The following COX7B2 variants were observed in gnomAD, a reference collection of about 807,000 sequenced individuals.
The protein encoded by COX7B2 is cytochrome c oxidase subunit 7B2, mitochondrial.
For missense variants in COX7B2, 109 were observed against 95.9 expected (o/e 1.14, Z -0.57); for synonymous variants, 37 against 32.1 (o/e 1.15, Z -0.51).
At chr4:46,769,556 A>G (rs936451914) in intron 2 of COX7B2, among the ~76,000 whole-genome samples, 1 of 152,090 alleles carries the variant, frequency 6.6e-6, no homozygotes, top group Non-Finnish European at 1.5e-5. Context: ...CTCTACTAAA[A>G]GTACAAAAAA....
At chr4:46,776,945 C>T (rs1717185584) in intron 2 of COX7B2, among the ~76,000 whole-genome samples, 1 of 152,076 alleles carries the variant, frequency 6.6e-6, no homozygotes, top group Non-Finnish European at 1.5e-5. Context: ...TCTAATTTGC[C>T]GCAGCTGGCA....
At chr4:46,827,653 A>C (rs1714786945) in intron 2 of COX7B2, among the ~76,000 whole-genome samples, 4 of 152,198 alleles carry the variant, frequency 2.6e-5, no homozygotes. Context: ...ATGCTAAACG[A>C]AGTTGAAAGG....
At chr4:46,781,291 A>C (rs2109551721) in intron 2 of COX7B2, among the ~76,000 whole-genome samples, 1 of 152,326 alleles carries the variant, frequency 6.6e-6, no homozygotes, top group East Asian at 1.9e-4. Flanking sequence ...TCTGATCACA[A>C]ACGTGAGCAC....
chr4:46,768,469 A>G (rs1360500134), intron 2 of COX7B2, among the ~76,000 whole-genome samples: 9 of 152,290 alleles, frequency 5.9e-5, no homozygotes, highest in Admixed American at 3.3e-4. Context: ...GGACAGGGGC[A>G]TGGCAGGCCA....
intron 2 of COX7B2, among the ~76,000 whole-genome samples, chr4:46,775,216 A>G (rs1242824978): frequency 1.3e-5 from 2 of 152,158 alleles, no homozygotes; most frequent in Non-Finnish European, 2.9e-5. Context: ...AACATAAGAA[A>G]TATGACTTCC....
intron 2 of COX7B2, among the ~76,000 whole-genome samples, chr4:46,843,508 A>C (rs1271616675): frequency 6.6e-6 from 1 of 151,958 alleles, no homozygotes; most frequent in African/African-American, 2.4e-5. Context: ...AGGCAGATTC[A>C]TTGCTCTGAT....
chr4:46,860,714 A>T (rs573820227), intron 1 of COX7B2, among the ~76,000 whole-genome samples: 3 of 151,982 alleles, frequency 2.0e-5, no homozygotes, highest in African/African-American at 7.2e-5. Context: ...TTATTTTTCC[A>T]TGGGTCCTTT....
intron 2 of COX7B2, among the ~76,000 whole-genome samples, chr4:46,788,251 T>C (rs908935207): frequency 5.3e-5 from 8 of 152,220 alleles, no homozygotes; most frequent in South Asian, 4.1e-4. Flanking sequence ...CAAAGATAAA[T>C]AGAACCAAAC....
intron 2 of COX7B2, among the ~76,000 whole-genome samples, chr4:46,747,871 T>TGG (rs1577655082): frequency 2.6e-5 from 4 of 152,254 alleles, no homozygotes; most frequent in South Asian, 4.2e-4. Flanking sequence ...AAAATTTGTC[T>TGG]TTAACGTTAC....
chr4:46,830,393 C>G (rs1714995761), intron 2 of COX7B2, among the ~76,000 whole-genome samples: 1 of 146,718 alleles, frequency 6.8e-6, no homozygotes, highest in Admixed American at 6.8e-5. Context: ...TGTAGGAAAA[C>G]TTTTCTAGGC....
chr4:46,868,724 G>A (rs1034533637), intron 1 of COX7B2, among the ~76,000 whole-genome samples: 10 of 152,134 alleles, frequency 6.6e-5, no homozygotes, highest in African/African-American at 2.4e-4. Context: ...AATTGAATGT[G>A]GTCCAAAAGT....
chr4:46,869,015 G>T (rs1229917304), intron 1 of COX7B2, among the ~76,000 whole-genome samples: 1 of 152,114 alleles, frequency 6.6e-6, no homozygotes, highest in Admixed American at 6.6e-5. Context: ...ATGTCTCTTT[G>T]TAGGTCTCTA....
chr4:46,750,886 C>T (rs1715331275), intron 2 of COX7B2, among the ~76,000 whole-genome samples: 1 of 152,112 alleles, frequency 6.6e-6, no homozygotes, highest in African/African-American at 2.4e-5. Flanking sequence ...TAGGGATGCA[C>T]CCTTATAACC....
At chr4:46,858,505 A>G (rs1370034676) in intron 1 of COX7B2, among the ~76,000 whole-genome samples, 4 of 152,118 alleles carry the variant, frequency 2.6e-5, no homozygotes, top group Non-Finnish European at 5.9e-5. Flanking sequence ...CATTTTAAAC[A>G]TTAGGAAAAA....
At chr4:46,827,690 AAGCTGGATATAC>A (rs1420258365) in intron 2 of COX7B2, among the ~76,000 whole-genome samples, 2 of 152,182 alleles carry the variant, frequency 1.3e-5, no homozygotes, top group African/African-American at 4.8e-5. Flanking sequence ...TCCAAATAAC[AAGCTGGATATAC>A]AGGAAGGAAT....
At chr4:46,817,132 T>G (rs1159095057) in intron 2 of COX7B2, among the ~76,000 whole-genome samples, 1 of 152,222 alleles carries the variant, frequency 6.6e-6, no homozygotes. Context: ...TTATTCAAGC[T>G]AAATGGTTAA....
chr4:46,744,895 A>G (rs1714930582), intron 2 of COX7B2, among the ~76,000 whole-genome samples: 1 of 151,602 alleles, frequency 6.6e-6, no homozygotes, highest in Admixed American at 6.6e-5. Flanking sequence ...ACGCCCGGCT[A>G]ATTTTGTTGT....
At chr4:46,765,004 A>G (rs1716440758) in intron 2 of COX7B2, among the ~76,000 whole-genome samples, 1 of 152,064 alleles carries the variant, frequency 6.6e-6, no homozygotes, top group South Asian at 2.1e-4. Flanking sequence ...AAGTGTTAAC[A>G]TGCACAAAAT....
chr4:46,736,243 A>T (rs749759306), intron 2 of COX7B2, among the ~76,000 whole-genome samples: 10 of 152,214 alleles, frequency 6.6e-5, no homozygotes, highest in African/African-American at 1.2e-4. Flanking sequence ...TCACTGAGAC[A>T]CCAAGTATTG....
Sources: gnomAD v4.1 joint callset for allele counts (sites outside exome capture counted in the v4.1 genomes callset) on GRCh38, gnomAD v4.1.1 for gene constraint, MANE v1.5 for transcripts, NCBI Gene and HGNC (gene_info 2026-07-23, HGNC 2026-07-21) for gene names.